Variants in SORBS2 observed in about 807,000 individuals in gnomAD.
SORBS2 encodes the protein sorbin and SH3 domain-containing protein 2.
Under a neutral mutation model 97.7 loss-of-function variants are expected in SORBS2, and 46 were observed. That is an observed-to-expected ratio of 0.47 (90% confidence interval 0.37 to 0.60). The LOEUF (loss-of-function observed/expected upper bound fraction) is 0.60. SORBS2 is among the 20% of genes least tolerant of loss of function. SORBS2 has a pLI of 0.00. For synonymous variants in SORBS2, 476 were observed against 473.4 expected (o/e 1.01, Z -0.07); for missense variants, 1,316 against 1,282.3 (o/e 1.03, Z -0.40).
chr4:185,749,567 G>C (rs1005300667), intron 2 of SORBS2, among the ~76,000 whole-genome samples: 4 of 152,168 alleles, frequency 2.6e-5, no homozygotes, highest in Non-Finnish European at 4.4e-5. Context: ...AGACATAAGT[G>C]TGTGACACTG....
chr4:185,884,499 G>C (rs764789906), intron 1 of SORBS2, among the ~76,000 whole-genome samples: 13 of 152,094 alleles, frequency 8.5e-5, no homozygotes, highest in African/African-American at 1.2e-4. Flanking sequence ...CAAAATAAAG[G>C]CTCCAAAAAA....
intron 4 of SORBS2, chr4:185,646,423 A>C: frequency 3.2e-6 from 1 of 312,766 alleles, no homozygotes; most frequent in Non-Finnish European, 5.7e-6. Context: ...GTGTGTATAT[A>C]TATATATATA....
intron 1 of SORBS2, among the ~76,000 whole-genome samples, chr4:185,848,618 C>CTTTTTTTTTTTTTTTTTTTT (rs537195530): frequency 1.3e-5 from 1 of 75,636 alleles, no homozygotes; most frequent in African/African-American, 5.8e-5. Context: ...AAGGATATCT[C>CTTTTTTTTTTTTTTTTTTTT]TTTTTTTTTT....
At chr4:185,887,681 C>G (rs536960671) in intron 1 of SORBS2, among the ~76,000 whole-genome samples, 6 of 152,270 alleles carry the variant, frequency 3.9e-5, no homozygotes, top group African/African-American at 7.2e-5. Flanking sequence ...AAACTATAAC[C>G]TAGCAAGACT....
chr4:185,904,682 G>A (rs890862669), intron 1 of SORBS2, among the ~76,000 whole-genome samples: 1 of 152,158 alleles, frequency 6.6e-6, no homozygotes, highest in Non-Finnish European at 1.5e-5. Flanking sequence ...TGGTATTGTG[G>A]TATTTGATAT....
At chr4:185,665,810 C>T in intron 4 of SORBS2, 4 of 1,115,208 alleles carry the variant, frequency 3.6e-6, no homozygotes, top group Non-Finnish European at 3.3e-6. Context: ...GAGGGTGTCT[C>T]AGAACGGCCA....
chr4:185,767,299 C>G lies in SORBS2; in HGVS notation c.-198+7928G>C, dbSNP rs180870605. Among the ~76,000 whole-genome samples, 3 of 141,090 alleles carry G rather than the reference C, an allele frequency of 2.1e-5. No homozygotes were observed. The Admixed American group carries it at 2.3e-4, about 11-fold the overall frequency. 92.6% of individuals were successfully genotyped at this position (141,090 alleles called of 152,430 possible). A position where few individuals can be genotyped will look rare whatever the true frequency, so the allele number is the denominator to read the frequency against. The stretch of plus-strand genomic sequence containing the variant: ...GGATCACGAGGTCAGGAGATCGAGA[C>G]CAGCCTGGCTAACACACGGTGAAAC... On this transcript the variant is annotated intron_variant, in intron 2 of 20. Transcript: ENST00000284776.
chr4:185,589,836 A>G (rs757109637), intron 13 of SORBS2, 51 bp from the exon 26 acceptor site: 5 of 955,496 alleles, frequency 5.2e-6, no homozygotes, highest in South Asian at 5.2e-5. Context: ...ACCTTCATGA[A>G]ATATAGAAGA....
At chr4:185,953,291 G>A (rs1333269268) in intron 1 of SORBS2, among the ~76,000 whole-genome samples, 1 of 152,226 alleles carries the variant, frequency 6.6e-6, no homozygotes, top group Non-Finnish European at 1.5e-5. Flanking sequence ...TCCAGCCTGG[G>A]TGACAGAATG....
chr4:185,926,127 C>T (rs2099263552), intron 1 of SORBS2, among the ~76,000 whole-genome samples: 1 of 152,190 alleles, frequency 6.6e-6, no homozygotes, highest in African/African-American at 2.4e-5. Context: ...GCGCTATGTG[C>T]CAGGCTTGGG....
chr4:185,842,930 TAA>T (rs56193107), intron 1 of SORBS2, among the ~76,000 whole-genome samples: 68 of 122,356 alleles, frequency 5.6e-4, no homozygotes, highest in South Asian at 8.8e-4. Context: ...AAAGACTGTC[TAA>T]AAAAAAAAAA....
At chr4:185,657,657 T>C, upstream of SORBS2, 1 of 1,465,184 alleles carries the variant, frequency 6.8e-7, no homozygotes, top group South Asian at 1.2e-5. Flanking sequence ...TAAATTCATG[T>C]GTCTTGTTGT....
intron 2 of SORBS2, among the ~76,000 whole-genome samples, chr4:185,719,743 T>C (rs1194216578): frequency 6.6e-6 from 1 of 152,210 alleles, no homozygotes; most frequent in Non-Finnish European, 1.5e-5. Context: ...ACAAAAGCCC[T>C]AGCATAATGC....
At chr4:185,814,524 A>G (rs998287129) in intron 1 of SORBS2, among the ~76,000 whole-genome samples, 1 of 151,942 alleles carries the variant, frequency 6.6e-6, no homozygotes, top group African/African-American at 2.4e-5. Context: ...TTGGCAACAG[A>G]GGGAGACTCT....
At chr4:185,711,606 TG>T (rs984475968) in intron 2 of SORBS2, among the ~76,000 whole-genome samples, 1 of 152,216 alleles carries the variant, frequency 6.6e-6, no homozygotes, top group Non-Finnish European at 1.5e-5. Flanking sequence ...TTCATCTTTT[TG>T]CATTATTTTC....
chr4:185,585,651 A>T (rs2095793828), exon 15 of SORBS2: 2 of 152,258 alleles, frequency 1.3e-5, no homozygotes, highest in Non-Finnish European at 2.9e-5. Context: ...TCAGATACAG[A>T]GAGTAGAAAC....
chr4:185,627,003 T>C lies in SORBS2; in HGVS notation c.463A>G (p.Ser155Gly), dbSNP rs201283139. 3.8e-5 allele frequency: 62 copies of C among 1,614,156 alleles called. 1 individual carries two copies. The Admixed American group carries it at 1.0e-3, about 27-fold the overall frequency. ...CTCTTCCTCCGCTTCCTGAAGTCAC[T>C]GGCCATGCTTGCAGAACTGAAAGAA... The change falls in exon 6 of 15, where the codon AGT becomes GGT. Residue 155 changes from serine to glycine, a missense_variant. Ser to Gly is a moderately conservative substitution (Grantham distance 56). Coordinates refer to ENST00000418609, the Ensembl canonical transcript of SORBS2.
chr4:185,846,885 G>T (rs2099214848), intron 1 of SORBS2, among the ~76,000 whole-genome samples: 1 of 152,098 alleles, frequency 6.6e-6, no homozygotes, highest in South Asian at 2.1e-4. Context: ...TTTTATTTAT[G>T]ATATTTAAAT....
chr4:185,830,336 T>C (rs994163452), intron 1 of SORBS2, among the ~76,000 whole-genome samples: 49 of 152,282 alleles, frequency 3.2e-4, no homozygotes, highest in Middle Eastern at 3.4e-3. Flanking sequence ...AAGATGACCA[T>C]ATAGAGGTCT....
Sources: gnomAD v4.1 joint callset for allele counts (sites outside exome capture counted in the v4.1 genomes callset) on GRCh38, gnomAD v4.1.1 for gene constraint, MANE v1.5 for transcripts, NCBI Gene and HGNC (gene_info 2026-07-23, HGNC 2026-07-21) for gene names.